LAMC2: variants seen among roughly 807,000 people sequenced by gnomAD.
The protein encoded by LAMC2 is laminin subunit gamma 2.
In LAMC2, 97 loss-of-function variants were observed where a neutral mutation model predicts 140.2. That is an observed-to-expected ratio of 0.69 (90% CI 0.59 to 0.82). The LOEUF (loss-of-function observed/expected upper bound fraction) is 0.82. Ranked by LOEUF, LAMC2 falls within the 40% of genes least tolerant of loss-of-function variation. The pLI is 0.00. For synonymous variants in LAMC2, 513 were observed against 540.2 expected, an observed-to-expected ratio of 0.95 and a Z score of 0.70; for missense variants, 1,402 against 1,476.1, an observed-to-expected ratio of 0.95 and a Z score of 0.82.
At chr1:183,208,093 G>T (rs761900548) in intron 2 of LAMC2, 24 bp downstream of exon 2, 1 of 1,599,148 alleles carries the variant, frequency 6.3e-7, no homozygotes, top group Non-Finnish European at 8.6e-7. Context: ...ACGGAAAGAG[G>T]GAGAGGGAGA....
Position 183,234,277 on chromosome 1 carries a change from T to A in LAMC2, c.2221-90T>A, listed in dbSNP as rs3818420. On this transcript the variant is annotated intron_variant, in intron 14 of 22. Transcript: ENST00000264144. The stretch of plus-strand genomic sequence containing the variant: ...ACCCTGTGTGGCTAATGACAAGTGG[T>A]TCTGACAGGACAGATGCACCTGCTT... 2,296 of 911,742 alleles carry A rather than the reference T, an allele frequency of 2.5e-3. 66 individuals carry two copies. The East Asian group carries it at 0.046, about 18-fold the overall frequency. 56.5% of individuals were successfully genotyped at this position (911,742 alleles called of 1,614,324 possible).
At chr1:183,235,454 G>C (rs1349525353) in intron 15 of LAMC2, 121 bp from the exon 16 acceptor site, 1 of 1,091,050 alleles carries the variant, frequency 9.2e-7, no homozygotes, top group Non-Finnish European at 1.4e-6. Context: ...ATTTGAGTCA[G>C]TTCTGTAGGG....
intron 1 of LAMC2, among the ~76,000 whole-genome samples, chr1:183,207,275 A>T (rs1658914538): frequency 6.6e-6 from 1 of 151,972 alleles, no homozygotes; most frequent in East Asian, 1.9e-4. Flanking sequence ...TCACTTTGCG[A>T]GTCTCTTTGG....
chr1:183,202,554 A>C (rs564893509), intron 1 of LAMC2, among the ~76,000 whole-genome samples: 7 of 152,326 alleles, frequency 4.6e-5, no homozygotes, highest in African/African-American at 1.7e-4. Context: ...AACAATTCAT[A>C]AGAAAAACAT....
At chr1:183,209,701 G>T (rs3768604) in intron 2 of LAMC2, among the ~76,000 whole-genome samples, 4,972 of 152,316 alleles carry the variant, frequency 0.033, 142 homozygotes, top group South Asian at 0.11. Flanking sequence ...GAAATGATCA[G>T]TGAGAATGAA....
At position 183,237,478 on chromosome 1, in the gene LAMC2, T is replaced by C; in HGVS notation, c.2728T>C (p.Leu910=). 1 of 1,614,004 alleles carries C rather than the reference T, an allele frequency of 6.2e-7. No homozygotes were observed. Among genetic ancestry groups the C allele is most frequent in the Non-Finnish European group, 8.5e-7 (1 of 1,179,838 alleles). ...CTGGAAAGAAGAAGCACAGCAGCTC[T>C]TACAGAATGGAAAAAGTGGGAGAGA... is the stretch of plus-strand genomic sequence containing the variant. ...GNWKEEAQQL[L]QNGKSGREKS... Residue 910 remains leucine (L), a synonymous_variant, in exon 18 of 23, where the codon TTA becomes CTA. Coordinates refer to ENST00000264144, the MANE Select transcript of LAMC2 (RefSeq NM_005562.3).
At position 183,232,718 on chromosome 1, in the gene LAMC2, G is replaced by T. The variant is rs142509506; in HGVS notation, c.2081G>T (p.Arg694Leu). 9.3e-6 allele frequency: 15 copies of T among 1,613,870 alleles called. No individual in the cohort carries two copies. The highest frequency in any genetic ancestry group is 1.3e-5 in the African/African-American group (1 of 75,028). The stretch of plus-strand genomic sequence containing the variant: ...AGCCAAGAGAACAGCTACCAGAGCC[G>T]CCTGGATGACCTCAAGATGACTGTG... The part of the protein sequence containing the change: ...VRSQENSYQS[R>L]LDDLKMTVER... Residue 694 changes from arginine (R) to leucine (L), a missense_variant, in exon 14 of 23, where the codon CGC (arginine) becomes CTC (leucine). By Grantham distance (102) the Arg-to-Leu change is moderately radical. Coordinates refer to ENST00000264144, the MANE Select transcript of LAMC2 (RefSeq NM_005562.3).
At chr1:183,192,025 G>A (rs1658351812) in intron 1 of LAMC2, among the ~76,000 whole-genome samples, 1 of 152,152 alleles carries the variant, frequency 6.6e-6, no homozygotes, top group South Asian at 2.1e-4. Context: ...AAAGCCAAAG[G>A]CTAAGTCTTT....
chr1:183,256,293 C>T, the LAMC2 span, among the ~76,000 whole-genome samples: 1 of 151,926 alleles, frequency 6.6e-6, no homozygotes, highest in Non-Finnish European at 1.5e-5. Flanking sequence ...CCTGTAATCC[C>T]AGCTACTTAG....
chr1:183,233,156 G>T (rs1470358657), intron 14 of LAMC2, among the ~76,000 whole-genome samples: 1 of 152,098 alleles, frequency 6.6e-6, no homozygotes, highest in East Asian at 1.9e-4. Context: ...AGCTCCCAGA[G>T]GGCAGGATTT....
At chr1:183,186,472 GAGAATCTGCCTT>G in intron 1 of LAMC2, 41 bp downstream of exon 1, 1 of 1,593,836 alleles carries the variant, frequency 6.3e-7, no homozygotes, top group Non-Finnish European at 8.5e-7. Flanking sequence ...GCCCTGGGCT[GAGAATCTGCCTT>G]TCTCTGCAGA....
chr1:183,222,553 A>G (rs1159994411), intron 6 of LAMC2, among the ~76,000 whole-genome samples: 7 of 151,958 alleles, frequency 4.6e-5, no homozygotes, highest in Non-Finnish European at 1.0e-4. Context: ...AGCAAAAACA[A>G]AGCATTTCTT....
intron 4 of LAMC2, 34 bp from the exon 5 acceptor site, chr1:183,220,791 C>T (rs1188896110): frequency 5.0e-6 from 8 of 1,603,586 alleles, no homozygotes; most frequent in Non-Finnish European, 6.8e-6. Context: ...AAAAAATAAC[C>T]TATAATATCC....
rs1660208727 is a variant in LAMC2, at chr1:183,244,821, G to A, written c.*1421G>A. 6.6e-6 allele frequency: 1 copy of A among 152,608 alleles called. No individual in the cohort carries two copies. Among genetic ancestry groups the A allele is most frequent in the South Asian group, 2.1e-4 (1 of 4,834 alleles). 9.5% of individuals were successfully genotyped at this position (152,608 alleles called of 1,614,324 possible). A position where few individuals can be genotyped will look rare whatever the true frequency, so the allele number is the denominator to read the frequency against. On this transcript the variant is annotated 3_prime_UTR_variant, in exon 23 of 23. Transcript: ENST00000264144. ...ACCAGAGGCACTTCCACCTTGGCTGGGAAGACTATGGTGCTGCCTTGCTTC... is the reference window on the plus strand; with the variant it reads ...ACCAGAGGCACTTCCACCTTGGCTGAGAAGACTATGGTGCTGCCTTGCTTC...
At chr1:183,189,686 G>A (rs1034672931) in intron 1 of LAMC2, among the ~76,000 whole-genome samples, 1 of 152,196 alleles carries the variant, frequency 6.6e-6, no homozygotes, top group African/African-American at 2.4e-5. Context: ...AGCAGAATCA[G>A]GAGGAATGAG....
chr1:183,238,374 G>A lies in LAMC2; in HGVS notation c.2822G>A (p.Gly941Asp), dbSNP rs779497249. Residue 941 changes from glycine (G) to aspartate (D), a missense_variant, in exon 19 of 23, where the codon GGC becomes GAC. By Grantham distance (94) the Gly-to-Asp change is moderately conservative. Coordinates refer to ENST00000264144, the MANE Select transcript of LAMC2 (RefSeq NM_005562.3). ...AGAGCACAAGAAGCACTGAGTATGG[G>A]CAATGCCACTTTTTATGAAGTTGAG... ...KSRAQEALSM[G>D]NATFYEVESI... 1.5e-5 allele frequency: 25 copies of A among 1,613,924 alleles called. No homozygotes were observed. Among genetic ancestry groups the A allele is most frequent in the Non-Finnish European group, 1.8e-5 (21 of 1,179,930 alleles).
intron 20 of LAMC2, 65 bp downstream of exon 20, chr1:183,239,628 A>G: frequency 7.1e-7 from 1 of 1,403,678 alleles, no homozygotes; most frequent in Non-Finnish European, 9.9e-7. Flanking sequence ...TGTGGAGGGA[A>G]AAAGAACATT....
intron 1 of LAMC2, among the ~76,000 whole-genome samples, chr1:183,197,785 C>T (rs933513332): frequency 4.6e-5 from 7 of 152,048 alleles, no homozygotes; most frequent in African/African-American, 1.4e-4. Flanking sequence ...GAAGTATCTT[C>T]GGATGTCAAC....
Position 183,224,375 on chromosome 1 carries a change from T to C in LAMC2, c.953+1051T>C, listed in dbSNP as rs142360086. 4.7e-3 allele frequency among the ~76,000 whole-genome samples: 711 copies of C among 152,290 alleles called. 11 individuals carry two copies. The highest frequency in any genetic ancestry group is 0.04 in the Admixed American group (613 of 15,294). The stretch of plus-strand genomic sequence containing the variant: ...AGGACCCATCATGTTGGGCCTTGTG[T>C]GTCATGTCAAGGAGCTTAGATCTTG... On this transcript the variant is annotated intron_variant, in intron 7 of 22. Transcript: ENST00000264144.
Sources: gnomAD v4.1 joint callset for allele counts (sites outside exome capture counted in the v4.1 genomes callset) on GRCh38, gnomAD v4.1.1 for gene constraint, MANE v1.5 for transcripts, NCBI Gene and HGNC (gene_info 2026-07-23, HGNC 2026-07-21) for gene names.